The following ZNF492 variants were observed in gnomAD, a reference collection of about 807,000 sequenced individuals.
The protein encoded by ZNF492 is zinc finger protein 115 (Y20).
Under a neutral mutation model 6.4 loss-of-function variants are expected in ZNF492, and 3 were observed. The ratio of observed to expected loss-of-function variants is 0.47; its 90% CI spans 0.21 to 1.22. The LOEUF (loss-of-function observed/expected upper bound fraction) is 1.22, where lower values mean the gene tolerates loss of function less well. ZNF492 is among the 50% of genes most tolerant of loss of function. The pLI is 0.22. For missense variants in ZNF492, 356 were observed against 612.5 expected (o/e 0.58, Z 4.42); for synonymous variants, 112 against 205.3 (o/e 0.55, Z 3.89).
intron 1 of ZNF492, among the ~76,000 whole-genome samples, chr19:22,652,888 T>G (rs1219468880): frequency 6.6e-6 from 1 of 152,118 alleles, no homozygotes; most frequent in Non-Finnish European, 1.5e-5. Context: ...CCAGATTTTC[T>G]GAAAAAATAA....
chr19:22,634,523 G>A (rs1310255023), intron 1 of ZNF492, 49 bp downstream of exon 1: 1 of 1,369,330 alleles, frequency 7.3e-7, no homozygotes, highest in Non-Finnish European at 1.0e-6. Flanking sequence ...GGGCTGGTTG[G>A]AACCGGTGGC....
chr19:22,653,078 G>A (rs2201007), intron 1 of ZNF492, among the ~76,000 whole-genome samples: 46,317 of 141,440 alleles, frequency 0.33, 8,470 homozygotes, highest in African/African-American at 0.46. Flanking sequence ...ATCATCCGAA[G>A]AAGTATCATA....
chr19:22,659,664 G>GTTT (rs1568356633), intron 3 of ZNF492, among the ~76,000 whole-genome samples: 1 of 126,936 alleles, frequency 7.9e-6, no homozygotes, highest in Non-Finnish European at 1.6e-5. Context: ...GTTTTTTTTT[G>GTTT]TTGTTTTTTT....
intron 1 of ZNF492, 133 bp downstream of exon 1, chr19:22,634,607 C>T: frequency 1.0e-6 from 1 of 997,674 alleles, no homozygotes. Flanking sequence ...CCTTGCCCAG[C>T]CCAGCCTCAG....
chr19:22,652,918 C>T lies in ZNF492; in HGVS notation c.-93-389C>T, dbSNP rs180696848. ...AAATAATCTGCATTAACAAGATCTC[C>T]AGTTTATTGTACACATTAACATGTG... On this transcript the variant is annotated intron_variant, in intron 1 of 3. Coordinates refer to ENST00000456783, the MANE Select transcript of ZNF492 (RefSeq NM_020855.3). Among the ~76,000 whole-genome samples the T allele has an allele frequency of 1.2e-4, 19 of 152,232 alleles. 1 individual carries two copies. In the East Asian group the frequency reaches 3.1e-3, roughly 25 times the overall value.
At position 22,653,999 on chromosome 19, in the gene ZNF492, G is replaced by A. The variant is rs779892638; in HGVS notation, c.114G>A (p.Met38Ile). Residue 38 changes from methionine to isoleucine, a missense_variant, in exon 3 of 4, where the codon ATG becomes ATA. Around this residue, in one of 7 missense-constraint regions of ZNF492, gnomAD observed 196 missense variants for 219.4 expected, o/e 0.89. Transcript: ENST00000456783. ...CTTGGAATGTGAAGAGACATGAGAT[G>A]GTAGCTGAACCCCCAGGTAGGTGAG... ...KEPWNVKRHE[M>I]VAEPPVVCSY... 17 of 1,602,800 alleles carry A rather than the reference G, an allele frequency of 1.1e-5. No homozygotes were observed. Among genetic ancestry groups the A allele is most frequent in the Non-Finnish European group, 1.4e-5 (16 of 1,176,842 alleles).
chr19:22,652,720 C>T (rs1971953345), intron 1 of ZNF492, among the ~76,000 whole-genome samples: 1 of 151,846 alleles, frequency 6.6e-6, no homozygotes, highest in South Asian at 2.1e-4. Flanking sequence ...GCTGGGACTA[C>T]GGGCTCTCGC....
chr19:22,662,164 A>G (rs772065189), intron 3 of ZNF492, among the ~76,000 whole-genome samples: 3 of 151,920 alleles, frequency 2.0e-5, no homozygotes, highest in African/African-American at 4.8e-5. Flanking sequence ...ATTCCCACCT[A>G]TGAGTGAGAA....
intron 1 of ZNF492, among the ~76,000 whole-genome samples, chr19:22,648,863 T>G (rs1470124211): frequency 6.6e-6 from 1 of 152,238 alleles, no homozygotes; most frequent in African/African-American, 2.4e-5. Flanking sequence ...TACAGCACAC[T>G]GATGGGTCTT....
At chr19:22,634,563 C>A in intron 1 of ZNF492, 89 bp downstream of exon 1, 1 of 1,215,598 alleles carries the variant, frequency 8.2e-7, no homozygotes, top group Non-Finnish European at 1.2e-6. Flanking sequence ...CAGGCCTCCC[C>A]GCAGTCGGCT....
At chr19:22,644,406 G>A (rs1332915095) in intron 1 of ZNF492, among the ~76,000 whole-genome samples, 1 of 152,150 alleles carries the variant, frequency 6.6e-6, no homozygotes, top group Admixed American at 6.6e-5. Context: ...AGGCCCTGGT[G>A]TGTGTTATTC....
At chr19:22,651,462 G>C (rs930941430) in intron 1 of ZNF492, among the ~76,000 whole-genome samples, 1 of 151,904 alleles carries the variant, frequency 6.6e-6, no homozygotes, top group African/African-American at 2.4e-5. Context: ...TACTTGCAAA[G>C]CTTTACTTTT....
At position 22,653,451 on chromosome 19, in the gene ZNF492, A is replaced by G. The variant is rs766764312; in HGVS notation, c.34+18A>G. 9.9e-6 allele frequency: 16 copies of G among 1,611,446 alleles called. No individual in the cohort carries two copies. In the Admixed American group the frequency reaches 2.7e-4, roughly 27 times the overall value. Reference sequence around the variant, plus strand: ...CTTCGTGGGTGAGGATAACTTCAATATACAATTCCCTAATATACCCTATAA... The same window carrying G: ...CTTCGTGGGTGAGGATAACTTCAATGTACAATTCCCTAATATACCCTATAA... On this transcript the variant is annotated intron_variant, in intron 2 of 3. Transcript: ENST00000456783.
intron 3 of ZNF492, among the ~76,000 whole-genome samples, chr19:22,661,858 A>C (rs1489060619): frequency 6.6e-6 from 1 of 152,162 alleles, no homozygotes; most frequent in East Asian, 1.9e-4. Context: ...TGGCCGCCAA[A>C]GTGCTAGGAT....
At chr19:22,644,390 C>T (rs1971857410) in intron 1 of ZNF492, among the ~76,000 whole-genome samples, 2 of 152,242 alleles carry the variant, frequency 1.3e-5, no homozygotes, top group African/African-American at 4.8e-5. Context: ...CCCCCCACTC[C>T]ACAACAGGCC....
intron 1 of ZNF492, among the ~76,000 whole-genome samples, chr19:22,636,678 A>AGCCT (rs1405631375): frequency 6.6e-6 from 1 of 150,934 alleles, no homozygotes; most frequent in Non-Finnish European, 1.5e-5. Flanking sequence ...CCTATTGCCC[A>AGCCT]GGCTGGAGGG....
chr19:22,637,865 T>C (rs1206687793), intron 1 of ZNF492, among the ~76,000 whole-genome samples: 1 of 152,208 alleles, frequency 6.6e-6, no homozygotes, highest in Admixed American at 6.5e-5. Flanking sequence ...CCTGTTTCTC[T>C]GTAACCTTGC....
chr19:22,654,704 C>T (rs1475841268), intron 3 of ZNF492, among the ~76,000 whole-genome samples: 7 of 150,038 alleles, frequency 4.7e-5, no homozygotes, highest in Admixed American at 6.7e-5. Flanking sequence ...TGGGTTCAAG[C>T]GATTCTTCTG....
intron 1 of ZNF492, among the ~76,000 whole-genome samples, chr19:22,647,453 G>A (rs1234359440): frequency 2.0e-5 from 3 of 149,260 alleles, no homozygotes; most frequent in Non-Finnish European, 4.4e-5. Flanking sequence ...TTAGAGATGG[G>A]GTTTCACCAT....
Sources: gnomAD v4.1 joint callset for allele counts (sites outside exome capture counted in the v4.1 genomes callset) on GRCh38, gnomAD v4.1.1 for gene constraint, gnomAD v4.1.1 regional missense constraint, MANE v1.5 for transcripts, NCBI Gene and HGNC (gene_info 2026-07-23, HGNC 2026-07-21) for gene names.